CFAP54: variants seen among roughly 807,000 people sequenced by gnomAD.
CFAP54 encodes the protein cilia- and flagella-associated protein 54.
CFAP54 carries 290 observed loss-of-function variants against 370.4 expected under a neutral mutation model. That is an observed-to-expected ratio of 0.78 (90% confidence interval 0.71 to 0.86). CFAP54 has a LOEUF of 0.86. CFAP54 is among the 40% of genes least tolerant of loss of function. The pLI is 0.00. For synonymous variants in CFAP54, 1,206 were observed against 1,236.5 expected (o/e 0.98, Z 0.52); for missense variants, 3,399 against 3,528.7 (o/e 0.96, Z 0.93).
intron 15 of CFAP54, among the ~76,000 whole-genome samples, chr12:96,550,723 C>T (rs1336603383): frequency 1.3e-5 from 2 of 152,158 alleles, no homozygotes; most frequent in African/African-American, 4.8e-5. Flanking sequence ...TGTTGCAGAG[C>T]TCATGAGAAA....
At chr12:96,622,912 T>C (rs540264950) in intron 27 of CFAP54, among the ~76,000 whole-genome samples, 1 of 152,312 alleles carries the variant, frequency 6.6e-6, no homozygotes, top group Admixed American at 6.5e-5. Context: ...GATTTTTGAT[T>C]AAGCTGGAAG....
rs567806870 is a variant in CFAP54, at chr12:96,640,874, T to C, written c.4317-3304T>C. ...GTGCTGGGAAAACTGGCTAGCCATA[T>C]GTAGAAAGCTGAAACTGGATCCCTT... On this transcript the variant is annotated intron_variant, in intron 32 of 67. Transcript: ENST00000524981. Among the ~76,000 whole-genome samples, 717 of 152,228 alleles carry C rather than the reference T, an allele frequency of 4.7e-3. 4 individuals are homozygous for C. The highest frequency in any genetic ancestry group is 0.016 in the African/African-American group (679 of 41,544).
chr12:96,765,052 A>G (rs1009850996), intron 59 of CFAP54, 25 bp from the exon 60 acceptor site: 3 of 1,373,784 alleles, frequency 2.2e-6, no homozygotes, highest in Admixed American at 2.5e-5. Flanking sequence ...TATATTTATA[A>G]TTCTAATTTA....
chr12:96,664,745 A>ATATC (rs1166471659), intron 39 of CFAP54, among the ~76,000 whole-genome samples: 1 of 20,990 alleles, frequency 4.8e-5, no homozygotes, highest in East Asian at 1.5e-3. Context: ...ATATCTATAT[A>ATATC]TATATATATC....
At chr12:96,630,523 C>G in intron 31 of CFAP54, 28 bp from the exon 32 acceptor site, 1 of 1,211,734 alleles carries the variant, frequency 8.3e-7, no homozygotes, top group African/African-American at 1.6e-5. Context: ...TTAAATTTAA[C>G]TTGTAACATT....
intron 59 of CFAP54, 58 bp from the exon 60 acceptor site, chr12:96,765,019 G>T (rs1232018198): frequency 1.6e-6 from 2 of 1,236,444 alleles, no homozygotes; most frequent in Middle Eastern, 2.9e-4. Context: ...TTACCTAATA[G>T]ATAATCTATG....
intron 67 of CFAP54, among the ~76,000 whole-genome samples, chr12:96,866,799 A>T (rs1371376101): frequency 6.6e-6 from 1 of 152,248 alleles, no homozygotes; most frequent in East Asian, 1.9e-4. Flanking sequence ...TAAAATAACC[A>T]TTGTTAATAT....
rs545517731 is a variant in CFAP54, at chr12:96,651,958, T to C, written c.5100+143T>C. 6 of 625,032 alleles carry C rather than the reference T, an allele frequency of 9.6e-6. No individual in the cohort carries two copies. In the South Asian group the frequency reaches 1.3e-4, roughly 14 times the overall value. 38.7% of individuals were successfully genotyped at this position (625,032 alleles called of 1,614,324 possible). A position where few individuals can be genotyped will look rare whatever the true frequency, so the allele number is the denominator to read the frequency against. ...ATTTGCTTCTCATTATAATTTTGTTTACAATATATAACTTGCATTGATGTT... is the reference window on the plus strand; with the variant it reads ...ATTTGCTTCTCATTATAATTTTGTTCACAATATATAACTTGCATTGATGTT... On this transcript the variant is annotated intron_variant, in intron 36 of 67. Transcript: ENST00000524981.
chr12:96,804,267 T>C (rs970990412), intron 63 of CFAP54, among the ~76,000 whole-genome samples: 1 of 152,160 alleles, frequency 6.6e-6, no homozygotes, highest in African/African-American at 2.4e-5. Flanking sequence ...TTATTTAAGA[T>C]AGTACTGGAA....
chr12:96,848,215 T>C (rs1477921000), intron 66 of CFAP54, among the ~76,000 whole-genome samples: 1 of 152,014 alleles, frequency 6.6e-6, no homozygotes, highest in Non-Finnish European at 1.5e-5. Context: ...TAGTTGGCAT[T>C]ACAGGCATGC....
intron 60 of CFAP54, 82 bp from the exon 61 acceptor site, chr12:96,784,635 G>C: frequency 1.9e-6 from 2 of 1,061,460 alleles, no homozygotes; most frequent in Non-Finnish European, 2.6e-6. Flanking sequence ...TTTATGAGCT[G>C]TGCTTTTTTT....
At chr12:96,591,087 A>G (rs946140208) in intron 23 of CFAP54, among the ~76,000 whole-genome samples, 9 of 152,200 alleles carry the variant, frequency 5.9e-5, no homozygotes, top group African/African-American at 2.2e-4. Flanking sequence ...AAGGAAGGAT[A>G]TTGAAAAGAA....
chr12:96,592,036 T>C (rs79489111), intron 23 of CFAP54, among the ~76,000 whole-genome samples: 2,297 of 152,166 alleles, frequency 0.015, 54 homozygotes, highest in African/African-American at 0.053. Context: ...CAGCTCCTAG[T>C]GGCTAAAGAT....
chr12:96,828,381 G>T (rs757670006), intron 65 of CFAP54, among the ~76,000 whole-genome samples: 2 of 151,918 alleles, frequency 1.3e-5, no homozygotes, highest in Non-Finnish European at 2.9e-5. Context: ...GGTGGCGTGG[G>T]TTCTCACTCG....
chr12:96,733,169 A>C (rs1957940904), intron 50 of CFAP54, among the ~76,000 whole-genome samples: 1 of 152,206 alleles, frequency 6.6e-6, no homozygotes, highest in Non-Finnish European at 1.5e-5. Flanking sequence ...CAAAACCTGC[A>C]AAAAACTTTG....
intron 66 of CFAP54, among the ~76,000 whole-genome samples, chr12:96,832,277 A>AT (rs1565996076): frequency 1.0e-4 from 12 of 119,930 alleles, no homozygotes; most frequent in African/African-American, 3.9e-4. Context: ...TTTGTAAAAA[A>AT]AAAAAATATA....
chr12:96,700,554 A>G (rs1214162351), intron 46 of CFAP54, among the ~76,000 whole-genome samples: 1 of 152,210 alleles, frequency 6.6e-6, no homozygotes, highest in Non-Finnish European at 1.5e-5. Context: ...GTGAGGAGAG[A>G]ACATTCCTCC....
chr12:96,775,315 G>C (rs1958505883), intron 60 of CFAP54, among the ~76,000 whole-genome samples: 1 of 152,068 alleles, frequency 6.6e-6, no homozygotes, highest in South Asian at 2.1e-4. Flanking sequence ...TGTAATCCCA[G>C]CTACTCGGGA....
chr12:96,725,331 T>C (rs1957818893), intron 50 of CFAP54, among the ~76,000 whole-genome samples: 2 of 152,154 alleles, frequency 1.3e-5, no homozygotes, highest in East Asian at 3.9e-4. Flanking sequence ...TTCCATTTGT[T>C]TGTATCCTCT....
Sources: allele counts gnomAD v4.1 joint callset (sites outside exome capture counted in the v4.1 genomes callset), GRCh38; gene constraint gnomAD v4.1.1; transcripts MANE v1.5; gene names NCBI Gene and HGNC (gene_info 2026-07-23, HGNC 2026-07-21).